The following PPM1H variants were observed in gnomAD, a reference collection of about 807,000 sequenced individuals.
PPM1H encodes protein phosphatase 1H.
In PPM1H, 27 loss-of-function variants were observed where a neutral mutation model predicts 54.9. The ratio of observed to expected loss-of-function variants is 0.49; its 90% CI spans 0.36 to 0.68. PPM1H has a LOEUF of 0.68. Among genes scored for constraint, PPM1H ranks in the 30% least tolerant of loss-of-function variants. The probability of loss-of-function intolerance (pLI) is 0.00; values close to 1 mark genes in which losing one functional copy is unlikely to be tolerated. For missense variants in PPM1H, 596 were observed against 667.8 expected (o/e 0.89, Z 1.19); for synonymous variants, 305 against 270.8 (o/e 1.13, Z -1.24).
At chr12:62,819,782 T>C (rs1016442496) in intron 2 of PPM1H, among the ~76,000 whole-genome samples, 3 of 152,230 alleles carry the variant, frequency 2.0e-5, no homozygotes, top group African/African-American at 7.2e-5. Flanking sequence ...CAGGTGCCAC[T>C]GTCAAGAGCT....
At chr12:62,881,465 AAGAG>A (rs1197110824) in intron 1 of PPM1H, among the ~76,000 whole-genome samples, 1 of 152,156 alleles carries the variant, frequency 6.6e-6, no homozygotes, top group Non-Finnish European at 1.5e-5. Flanking sequence ...AAGAAAAAGA[AAGAG>A]AAAGAATGTT....
chr12:62,655,759 G>A (rs570427280), intron 9 of PPM1H, among the ~76,000 whole-genome samples: 34 of 152,250 alleles, frequency 2.2e-4, no homozygotes, highest in East Asian at 1.4e-3. Context: ...CCCTAGTGCC[G>A]TCACTGAATG....
At chr12:62,822,050 T>G (rs28856910) in intron 2 of PPM1H, among the ~76,000 whole-genome samples, 27,309 of 151,626 alleles carry the variant, frequency 0.18, 2,937 homozygotes, top group African/African-American at 0.3. Flanking sequence ...AAAATAAAGG[T>G]ATGCAGGAAG....
At chr12:62,810,209 C>T (rs2076826517) in intron 2 of PPM1H, among the ~76,000 whole-genome samples, 1 of 152,166 alleles carries the variant, frequency 6.6e-6, no homozygotes, top group African/African-American at 2.4e-5. Flanking sequence ...TAAGACACTT[C>T]ACATTGGTAA....
At chr12:62,666,831 T>A (rs1459557037) in intron 9 of PPM1H, among the ~76,000 whole-genome samples, 2 of 152,114 alleles carry the variant, frequency 1.3e-5, no homozygotes, top group African/African-American at 2.4e-5. Flanking sequence ...CTCCTGCCTC[T>A]GCCTCCCGAG....
In PPM1H at chr12:62,934,613, C is replaced by A; in HGVS notation, c.124G>T (p.Gly42Trp). The A allele has an allele frequency of 1.3e-6, 2 of 1,584,264 alleles. No individual in the cohort carries two copies. The highest frequency in any genetic ancestry group is 2.3e-5 in the South Asian group (2 of 86,886). ...GACAGCCCCAGGAACTCTGGCCGCC[C>A]GTAGGGGAAACGCAGGGGCAGGTCC... ...GSDLPLRFPYGRPEFLGLSQD... is the reference protein window; with the variant it reads ...GSDLPLRFPYWRPEFLGLSQD... The change falls in exon 1 of 10, where the codon GGG (glycine) becomes TGG (tryptophan). Residue 42 changes from glycine (G) to tryptophan (W), a missense_variant. Coordinates refer to ENST00000228705, the MANE Select transcript of PPM1H (RefSeq NM_020700.2). The surrounding 1 kb of genome is among the most constrained non-coding windows in gnomAD (Gnocchi z 4.2).
At chr12:62,805,729 A>G (rs182110559) in intron 2 of PPM1H, among the ~76,000 whole-genome samples, 101 of 152,354 alleles carry the variant, frequency 6.6e-4, no homozygotes, top group African/African-American at 2.0e-3. Flanking sequence ...GTCAAAAGGT[A>G]CAAAGTTTCA....
Position 62,651,681 on chromosome 12 carries a change from G to A in PPM1H, c.1398-3045C>T, listed in dbSNP as rs1592524242. ...CCATCCACTCTGTTTTCCCTTAGGT[G>A]CTTAACTTCCTGAGGGAAAATCCAC... On this transcript the variant is annotated intron_variant, in intron 9 of 9. Coordinates refer to ENST00000228705, the MANE Select transcript of PPM1H (RefSeq NM_020700.2). Among the ~76,000 whole-genome samples, 3 of 152,180 alleles carry A rather than the reference G, an allele frequency of 2.0e-5. No homozygotes were observed. In the South Asian group the frequency reaches 6.2e-4, roughly 32 times the overall value.
intron 1 of PPM1H, among the ~76,000 whole-genome samples, chr12:62,854,822 A>AT (rs1169752506): frequency 6.6e-6 from 1 of 152,140 alleles, no homozygotes; most frequent in East Asian, 1.9e-4. Flanking sequence ...CAAAAGCAAT[A>AT]TTAAAAAAAA....
At chr12:62,887,137 G>A (rs563846285) in intron 1 of PPM1H, among the ~76,000 whole-genome samples, 3 of 152,306 alleles carry the variant, frequency 2.0e-5, no homozygotes, top group Admixed American at 6.5e-5. Context: ...GTTTCTCACC[G>A]GCTGAGACAG....
In PPM1H at chr12:62,763,327, G is replaced by A. The variant is rs536725229; in HGVS notation, c.869+24899C>T. Among the ~76,000 whole-genome samples the A allele has an allele frequency of 5.9e-5, 9 of 152,270 alleles. No homozygotes were observed. In the East Asian group the frequency reaches 1.7e-3, roughly 29 times the overall value. Reference sequence around the variant, plus strand: ...CGGCTCCCTCCCCTCTATAAACCATGGCCATCAACCGCACACCATGCTATG... The same window carrying A: ...CGGCTCCCTCCCCTCTATAAACCATAGCCATCAACCGCACACCATGCTATG... On this transcript the variant is annotated intron_variant, in intron 4 of 9. Transcript: ENST00000228705.
intron 5 of PPM1H, among the ~76,000 whole-genome samples, chr12:62,731,413 A>T (rs994211437): frequency 6.6e-6 from 1 of 152,102 alleles, no homozygotes; most frequent in Non-Finnish European, 1.5e-5. Flanking sequence ...TGTCATTTTG[A>T]CCCACCAGCA....
At chr12:62,702,656 T>A (rs978557089) in intron 6 of PPM1H, among the ~76,000 whole-genome samples, 3 of 151,888 alleles carry the variant, frequency 2.0e-5, no homozygotes, top group African/African-American at 7.3e-5. Context: ...GAGAGGAACG[T>A]GATCCCCTCC....
chr12:62,905,652 C>T (rs1249072219), intron 1 of PPM1H, among the ~76,000 whole-genome samples: 2 of 152,142 alleles, frequency 1.3e-5, no homozygotes, highest in African/African-American at 2.4e-5. Context: ...CTTAGTAATA[C>T]TAGTCCTCGG....
At chr12:62,731,673 T>C (rs908540132) in intron 5 of PPM1H, among the ~76,000 whole-genome samples, 5 of 152,238 alleles carry the variant, frequency 3.3e-5, no homozygotes, top group African/African-American at 7.2e-5. Context: ...CGTTCATCTC[T>C]TCTATACATT....
intron 8 of PPM1H, among the ~76,000 whole-genome samples, chr12:62,680,998 C>T (rs2076016427): frequency 6.6e-6 from 1 of 152,102 alleles, no homozygotes; most frequent in African/African-American, 2.4e-5. Flanking sequence ...CTAGGAAGAC[C>T]CTCCCGCTCT....
In PPM1H at chr12:62,678,091, T is replaced by G. The variant is rs140411560; in HGVS notation, c.1246-10762A>C. On this transcript the variant is annotated intron_variant, in intron 8 of 9. Transcript: ENST00000228705. ...CCTCCCAAGAAGCTGGTACCACAGGTGCACACTACCATGCCTGGCTAAGTT... is the reference window on the plus strand; with the variant it reads ...CCTCCCAAGAAGCTGGTACCACAGGGGCACACTACCATGCCTGGCTAAGTT... 2.5e-3 allele frequency among the ~76,000 whole-genome samples: 383 copies of G among 152,134 alleles called. 1 individual carries two copies. Among genetic ancestry groups the G allele is most frequent in the Admixed American group, 5.0e-3 (77 of 15,282 alleles).
intron 1 of PPM1H, among the ~76,000 whole-genome samples, chr12:62,838,339 G>GGGGT (rs1565804949): frequency 1.2e-5 from 1 of 80,112 alleles, no homozygotes; most frequent in East Asian, 3.3e-4. Flanking sequence ...GTGTGTGTGT[G>GGGGT]GGGGGGGGGA....
rs538031184 is a variant in PPM1H, at chr12:62,768,787, T to A, written c.869+19439A>T. ...GATATGTAGGGGCAGAGAGGATGGG[T>A]GGAGACTTTTTGGAGGAGGTGGAAC... On this transcript the variant is annotated intron_variant, in intron 4 of 9. Transcript: ENST00000228705. 3.3e-5 allele frequency among the ~76,000 whole-genome samples: 5 copies of A among 151,746 alleles called. No homozygotes were observed. The South Asian group carries it at 1.0e-3, about 32-fold the overall frequency.
Sources: allele counts gnomAD v4.1 joint callset (sites outside exome capture counted in the v4.1 genomes callset), GRCh38; gene constraint gnomAD v4.1.1; non-coding constraint Gnocchi (gnomAD v3.1); transcripts MANE v1.5; gene names NCBI Gene and HGNC (gene_info 2026-07-23, HGNC 2026-07-21).